Variants in ZBBX observed in about 807,000 individuals in gnomAD.
The protein encoded by ZBBX is zinc finger B-box domain containing, also known as zinc finger B-box domain-containing protein 1.
A neutral mutation model predicts 108.5 loss-of-function variants in ZBBX; 101 were observed. The observed-to-expected ratio is 0.93, with a 90% CI of 0.79 to 1.10. The LOEUF (loss-of-function observed/expected upper bound fraction) is 1.10, where lower values mean the gene tolerates loss of function less well. Among genes scored for constraint, ZBBX ranks in the 50% least tolerant of loss-of-function variants. The pLI is 0.00. For synonymous variants in ZBBX, 356 were observed against 323.4 expected (o/e 1.10, Z -1.08); for missense variants, 1,009 against 941.4 (o/e 1.07, Z -0.94).
intron 20 of ZBBX, among the ~76,000 whole-genome samples, chr3:167,276,836 G>T (rs2108500385): frequency 6.6e-6 from 1 of 152,206 alleles, no homozygotes; most frequent in African/African-American, 2.4e-5. Context: ...GTTAAGGGCA[G>T]CCAGAGAGAA....
intron 16 of ZBBX, among the ~76,000 whole-genome samples, chr3:167,312,940 T>A (rs1308591678): frequency 5.3e-5 from 8 of 152,174 alleles, no homozygotes; most frequent in South Asian, 2.1e-4. Context: ...AAAAATCTAA[T>A]CTTCACATAC....
intron 1 of ZBBX, among the ~76,000 whole-genome samples, chr3:167,395,434 A>AAGC (rs1420302718): frequency 6.6e-6 from 1 of 152,016 alleles, no homozygotes; most frequent in Non-Finnish European, 1.5e-5. Flanking sequence ...AGAGTTAGAA[A>AAGC]AGCAGCCTAG....
chr3:167,279,936 T>C (rs1427682109), intron 20 of ZBBX, among the ~76,000 whole-genome samples: 1 of 151,700 alleles, frequency 6.6e-6, no homozygotes, highest in Non-Finnish European at 1.5e-5. Context: ...CCCTCAGAAA[T>C]AACGCCGCAT....
chr3:167,309,360 C>A (rs1221887041), intron 16 of ZBBX, among the ~76,000 whole-genome samples: 1 of 152,206 alleles, frequency 6.6e-6, no homozygotes, highest in East Asian at 1.9e-4. Flanking sequence ...CCAGTGGTTA[C>A]TCTGTGTGGG....
intron 1 of ZBBX, among the ~76,000 whole-genome samples, chr3:167,405,687 G>A (rs952573686): frequency 2.0e-5 from 3 of 152,242 alleles, no homozygotes; most frequent in African/African-American, 7.2e-5. Context: ...AGTAATTGAA[G>A]AAGGTATTCC....
chr3:167,374,446 T>C (rs1746634174), intron 2 of ZBBX, among the ~76,000 whole-genome samples: 1 of 152,232 alleles, frequency 6.6e-6, no homozygotes, highest in Non-Finnish European at 1.5e-5. Flanking sequence ...ATTAGATTTT[T>C]ATAGGAATAA....
chr3:167,310,135 T>A (rs1305297787), intron 16 of ZBBX, among the ~76,000 whole-genome samples: 1 of 152,238 alleles, frequency 6.6e-6, no homozygotes, highest in Non-Finnish European at 1.5e-5. Flanking sequence ...GCTGCCAGTC[T>A]CTTTGCTAAA....
the ZBBX span, among the ~76,000 whole-genome samples, chr3:167,217,077 C>T: frequency 7.9e-5 from 12 of 152,068 alleles, no homozygotes; most frequent in South Asian, 2.1e-4. Flanking sequence ...GGTTTCATGA[C>T]GAAGATGCCA....
intron 8 of ZBBX, among the ~76,000 whole-genome samples, chr3:167,352,814 G>A (rs1742899945): frequency 6.6e-6 from 1 of 150,940 alleles, no homozygotes; most frequent in African/African-American, 2.4e-5. Context: ...GATGGGGGAT[G>A]TTTCAACATA....
intron 1 of ZBBX, among the ~76,000 whole-genome samples, chr3:167,391,717 T>C (rs1657941791): frequency 6.6e-6 from 1 of 151,846 alleles, no homozygotes; most frequent in South Asian, 2.1e-4. Flanking sequence ...ATCTTTCTTT[T>C]CATCAAATTT....
At chr3:167,241,869 C>T (rs1187333392) in intron 21 of ZBBX, among the ~76,000 whole-genome samples, 2 of 152,116 alleles carry the variant, frequency 1.3e-5, no homozygotes, top group African/African-American at 4.8e-5. Flanking sequence ...ATACAAATAA[C>T]TTATTTTATA....
the ZBBX span, among the ~76,000 whole-genome samples, chr3:167,231,960 T>G: frequency 6.6e-6 from 1 of 151,840 alleles, no homozygotes; most frequent in Non-Finnish European, 1.5e-5. Context: ...GAATCATTTT[T>G]ACTTCTACTT....
intron 16 of ZBBX, among the ~76,000 whole-genome samples, chr3:167,309,111 T>C (rs1267330934): frequency 1.3e-5 from 2 of 152,166 alleles, no homozygotes; most frequent in African/African-American, 4.8e-5. Context: ...TTGCATGTAA[T>C]TAAAAGTGGC....
the ZBBX span, among the ~76,000 whole-genome samples, chr3:167,194,464 G>A: frequency 1.3e-5 from 2 of 151,976 alleles, no homozygotes; most frequent in African/African-American, 4.8e-5. Context: ...CAAGTCCAAG[G>A]TTAACTCCCC....
intron 8 of ZBBX, among the ~76,000 whole-genome samples, chr3:167,358,340 C>T (rs1048710042): frequency 3.3e-5 from 5 of 149,802 alleles, no homozygotes; most frequent in Admixed American, 6.7e-5. Flanking sequence ...TTCTCAGAGA[C>T]GGAAAGTAAA....
chr3:167,300,667 T>C lies in ZBBX; in HGVS notation c.1726-2209A>G, dbSNP rs1354990316. Among the ~76,000 whole-genome samples the C allele has an allele frequency of 4.0e-5, 6 of 149,982 alleles. No homozygotes were observed. The South Asian group carries it at 1.1e-3, about 27-fold the overall frequency. On this transcript the variant is annotated intron_variant, in intron 17 of 21. Transcript: ENST00000675490. Reference sequence around the variant, plus strand: ...CCCTGTCACCCAGGCTGGAGTGCAATGGCGCGACCTCAGCTCACTATAACC... The same window carrying C: ...CCCTGTCACCCAGGCTGGAGTGCAACGGCGCGACCTCAGCTCACTATAACC...
intron 10 of ZBBX, among the ~76,000 whole-genome samples, chr3:167,330,632 T>C (rs1738268163): frequency 6.6e-6 from 1 of 151,578 alleles, no homozygotes; most frequent in Non-Finnish European, 1.5e-5. Context: ...TGGTATGCAC[T>C]TGTGGTCCCA....
At chr3:167,363,576 A>T (rs930266378) in intron 6 of ZBBX, among the ~76,000 whole-genome samples, 2 of 151,862 alleles carry the variant, frequency 1.3e-5, no homozygotes, top group Admixed American at 6.6e-5. Flanking sequence ...CTCTTCAAAG[A>T]CCACACACCC....
chr3:167,330,859 GAGGAGGAGGAGGAGAAGAAGA>G lies in ZBBX; in HGVS notation c.688-2764_688-2744del, dbSNP rs1404388404. On this transcript the variant is annotated intron_variant, in intron 10 of 21. Transcript: ENST00000675490. ...AGAAGAGGAAGAGGAGGAGGAGGAG[GAGGAGGAGGAGGAGAAGAAGA>G]AGAAGAAGAAGAAGAAGAAGAAGAA... Among the ~76,000 whole-genome samples, 120 of 23,912 alleles carry G rather than the reference GAGGAGGAGGAGGAGAAGAAGA, an allele frequency of 5.0e-3. 1 individual carries two copies. The highest frequency in any genetic ancestry group is 9.0e-3 in the African/African-American group (111 of 12,390). 15.7% of individuals were successfully genotyped at this position (23,912 alleles called of 152,430 possible).
Sources: gnomAD v4.1 joint callset for allele counts (sites outside exome capture counted in the v4.1 genomes callset) on GRCh38, gnomAD v4.1.1 for gene constraint, MANE v1.5 for transcripts, NCBI Gene and HGNC (gene_info 2026-07-23, HGNC 2026-07-21) for gene names.